RAP1GDS1: variants seen among roughly 807,000 people sequenced by gnomAD.
RAP1GDS1 encodes the protein RAP1, GTP-GDP dissociation stimulator 1.
In RAP1GDS1, 35 loss-of-function variants were observed where a neutral mutation model predicts 71.1. The observed-to-expected ratio is 0.49, with a 90% confidence interval of 0.38 to 0.65. The LOEUF is 0.65. RAP1GDS1 is among the 30% of genes least tolerant of loss of function. The pLI, the probability that RAP1GDS1 is intolerant of heterozygous loss-of-function variation, is 0.00. For missense variants in RAP1GDS1, 663 were observed against 706.1 expected (o/e 0.94, Z 0.69); for synonymous variants, 229 against 243.1 (o/e 0.94, Z 0.54).
chr4:98,336,674 T>G (rs1006729613), intron 2 of RAP1GDS1, among the ~76,000 whole-genome samples: 1 of 152,120 alleles, frequency 6.6e-6, no homozygotes, highest in Non-Finnish European at 1.5e-5. Flanking sequence ...CAATCAGTTT[T>G]CTTCACTAGG....
In RAP1GDS1 at chr4:98,279,694, T is replaced by C. The variant is rs186728232; in HGVS notation, c.5-13714T>C. Among the ~76,000 whole-genome samples the C allele has an allele frequency of 8.5e-5, 13 of 152,308 alleles. No individual in the cohort carries two copies. The East Asian group carries it at 2.5e-3, about 29-fold the overall frequency. ...TTACATAAGTATATATGTGCCATGTTGGTTTGCTGTACCCATCAACTCATC... is the reference window on the plus strand; with the variant it reads ...TTACATAAGTATATATGTGCCATGTCGGTTTGCTGTACCCATCAACTCATC... On this transcript the variant is annotated intron_variant, in intron 1 of 14. Coordinates refer to ENST00000408927, the MANE Select transcript of RAP1GDS1 (RefSeq NM_001100427.2).
At chr4:98,420,335 A>ATTAG (rs1748644028) in intron 11 of RAP1GDS1, among the ~76,000 whole-genome samples, 191 bp downstream of exon 11, 1 of 149,808 alleles carries the variant, frequency 6.7e-6, no homozygotes, top group Non-Finnish European at 1.5e-5. Context: ...ATTTATACAT[A>ATTAG]TTATTTATTT....
At chr4:98,333,472 G>A (rs964573610) in intron 2 of RAP1GDS1, among the ~76,000 whole-genome samples, 2 of 151,754 alleles carry the variant, frequency 1.3e-5, no homozygotes, top group Non-Finnish European at 2.9e-5. Flanking sequence ...AACATATTTA[G>A]GCTTTTTATA....
intron 6 of RAP1GDS1, among the ~76,000 whole-genome samples, chr4:98,404,101 G>A (rs1216121040): frequency 1.3e-5 from 2 of 152,070 alleles, no homozygotes; most frequent in African/African-American, 4.8e-5. Flanking sequence ...GATATGTCAG[G>A]ACCAGTGTAG....
At chr4:98,292,282 C>T (rs1259265039) in intron 1 of RAP1GDS1, among the ~76,000 whole-genome samples, 1 of 151,966 alleles carries the variant, frequency 6.6e-6, no homozygotes. Flanking sequence ...CACATGCCAC[C>T]ATATGCAGTT....
chr4:98,422,913 G>A (rs941065846), intron 12 of RAP1GDS1, among the ~76,000 whole-genome samples: 1 of 152,214 alleles, frequency 6.6e-6, no homozygotes, highest in Non-Finnish European at 1.5e-5. Context: ...CAAGGTGGAA[G>A]TTGTCAGGAG....
At chr4:98,350,064 A>G (rs193238272) in intron 3 of RAP1GDS1, among the ~76,000 whole-genome samples, 12 of 152,338 alleles carry the variant, frequency 7.9e-5, no homozygotes, top group Admixed American at 1.3e-4. Context: ...GGTTCCAAAG[A>G]GTTTTGATTC....
At chr4:98,400,712 AG>A (rs1164548520) in intron 6 of RAP1GDS1, among the ~76,000 whole-genome samples, 4 of 152,122 alleles carry the variant, frequency 2.6e-5, no homozygotes, top group African/African-American at 9.7e-5. Flanking sequence ...TCAGATAGCT[AG>A]GGGGAGGATA....
In RAP1GDS1 at chr4:98,261,538, C is replaced by T. The variant is rs774440173; in HGVS notation, c.-28C>T. The T allele has an allele frequency of 2.0e-5, 32 of 1,598,218 alleles. No homozygotes were observed. Among genetic ancestry groups the T allele is most frequent in the Admixed American group, 3.4e-5 (2 of 58,294 alleles). ...CGCACCACAGACCTTCGCCTCGCCC[C>T]GCCGGTTCCTCACCCTCGGGGAGCA... On this transcript the variant is annotated 5_prime_UTR_variant, in exon 1 of 15. Transcript: ENST00000408927.
intron 6 of RAP1GDS1, among the ~76,000 whole-genome samples, chr4:98,398,374 A>G (rs1417415565): frequency 6.6e-6 from 1 of 152,228 alleles, no homozygotes; most frequent in Non-Finnish European, 1.5e-5. Context: ...TATCTGTCAA[A>G]TAAATGTCCT....
chr4:98,325,772 T>TG (rs1732948358), intron 2 of RAP1GDS1, among the ~76,000 whole-genome samples: 1 of 80,542 alleles, frequency 1.2e-5, no homozygotes, highest in African/African-American at 4.9e-5. Context: ...GGGACTGTGG[T>TG]GGGGTGGGGG....
At chr4:98,413,995 T>C (rs1747508956) in intron 7 of RAP1GDS1, among the ~76,000 whole-genome samples, 1 of 152,178 alleles carries the variant, frequency 6.6e-6, no homozygotes, top group Admixed American at 6.5e-5. Flanking sequence ...TTTCATGTGT[T>C]TTTTGGCTGC....
At chr4:98,293,386 AT>A (rs377400040) in intron 1 of RAP1GDS1, 21 bp from the exon 2 acceptor site, 28,973 of 1,056,676 alleles carry the variant, frequency 0.027, 12 homozygotes, top group South Asian at 0.034. Flanking sequence ...TGAGTTTCTG[AT>A]TTTTTTTTTT....
chr4:98,441,973 A>AT lies in RAP1GDS1; in HGVS notation c.1697-10dup, dbSNP rs773619623. On this transcript the variant is annotated splice_polypyrimidine_tract_variant and intron_variant, in intron 14 of 14. Coordinates refer to ENST00000408927, the MANE Select transcript of RAP1GDS1 (RefSeq NM_001100427.2). ...ACAACCTAACAGAATCATATCTGTT[A>AT]TTTTTTTGTCTTCCAGAATGTCTAC... The AT allele has an allele frequency of 1.2e-6, 2 of 1,612,716 alleles. No homozygotes were observed. The highest frequency in any genetic ancestry group is 1.7e-6 in the Non-Finnish European group (2 of 1,179,530).
chr4:98,263,948 T>A (rs1722372540), intron 1 of RAP1GDS1, among the ~76,000 whole-genome samples: 1 of 152,150 alleles, frequency 6.6e-6, no homozygotes, highest in African/African-American at 2.4e-5. Flanking sequence ...GATCAGTAGG[T>A]ACATATGATA....
At chr4:98,341,396 T>G (rs1455277038) in intron 2 of RAP1GDS1, among the ~76,000 whole-genome samples, 1 of 152,244 alleles carries the variant, frequency 6.6e-6, no homozygotes, top group East Asian at 1.9e-4. Context: ...ATTGTTTTGT[T>G]TTGTTTTCCC....
At chr4:98,287,786 A>T (rs1187536738) in intron 1 of RAP1GDS1, among the ~76,000 whole-genome samples, 1 of 150,270 alleles carries the variant, frequency 6.7e-6, no homozygotes, top group African/African-American at 2.4e-5. Context: ...TTGCTCAGAT[A>T]TTTTTTTTTT....
intron 14 of RAP1GDS1, among the ~76,000 whole-genome samples, chr4:98,437,908 T>C (rs1416962707): frequency 6.6e-6 from 1 of 152,112 alleles, no homozygotes; most frequent in East Asian, 1.9e-4. Context: ...TATGCAGTTA[T>C]TGGGTACTGT....
intron 4 of RAP1GDS1, among the ~76,000 whole-genome samples, chr4:98,362,606 T>A (rs1738903984): frequency 6.6e-6 from 1 of 152,200 alleles, no homozygotes; most frequent in South Asian, 2.1e-4. Context: ...TTCATAATCA[T>A]GCAGATCAGA....
Sources: gnomAD v4.1 joint callset for allele counts (sites outside exome capture counted in the v4.1 genomes callset) on GRCh38, gnomAD v4.1.1 for gene constraint, MANE v1.5 for transcripts, NCBI Gene and HGNC (gene_info 2026-07-23, HGNC 2026-07-21) for gene names.